The following FER variants were observed in gnomAD, a reference collection of about 807,000 sequenced individuals.
The protein encoded by FER is FER tyrosine kinase.
In FER, 63 loss-of-function variants were observed where a neutral mutation model predicts 111.0. The observed-to-expected ratio is 0.57, with a 90% CI of 0.46 to 0.70. The LOEUF (loss-of-function observed/expected upper bound fraction) is 0.70, where lower values mean the gene tolerates loss of function less well. Among genes scored for constraint, FER ranks in the 30% least tolerant of loss-of-function variants. The pLI is 0.00. For synonymous variants in FER, 327 were observed against 313.9 expected, an observed-to-expected ratio of 1.04 and a Z score of -0.44; for missense variants, 914 against 954.0, an observed-to-expected ratio of 0.96 and a Z score of 0.55.
chr5:108,919,479 T>C (rs1752742150), intron 10 of FER, among the ~76,000 whole-genome samples: 1 of 152,188 alleles, frequency 6.6e-6, no homozygotes, highest in Non-Finnish European at 1.5e-5. Context: ...CTTAATTTGA[T>C]TCATTGACAT....
chr5:108,829,247 T>C (rs1358705214), intron 3 of FER, among the ~76,000 whole-genome samples: 1 of 152,228 alleles, frequency 6.6e-6, no homozygotes, highest in Non-Finnish European at 1.5e-5. Context: ...TTGCATTACA[T>C]GCTGCTCTGC....
At chr5:108,953,246 G>T (rs1473586929) in intron 11 of FER, among the ~76,000 whole-genome samples, 1 of 151,480 alleles carries the variant, frequency 6.6e-6, no homozygotes, top group African/African-American at 2.4e-5. Context: ...CATAGTCGTG[G>T]GTGGGTCTTT....
At chr5:109,062,402 T>A (rs748186511) in intron 16 of FER, among the ~76,000 whole-genome samples, 1 of 152,124 alleles carries the variant, frequency 6.6e-6, no homozygotes, top group Non-Finnish European at 1.5e-5. Flanking sequence ...GGTGTACACC[T>A]GTAATCTCAG....
At chr5:108,850,811 G>C (rs1013939191) in intron 5 of FER, among the ~76,000 whole-genome samples, 3 of 152,104 alleles carry the variant, frequency 2.0e-5, no homozygotes, top group African/African-American at 7.2e-5. Flanking sequence ...ATGTTAGATA[G>C]TTTCTCTGGA....
intron 13 of FER, among the ~76,000 whole-genome samples, chr5:108,986,987 T>G (rs1287885095): frequency 6.6e-6 from 1 of 152,090 alleles, no homozygotes; most frequent in Non-Finnish European, 1.5e-5. Context: ...TCAAGAATGA[T>G]GGTGGTATTT....
chr5:108,960,326 A>G (rs1256696595), intron 13 of FER, among the ~76,000 whole-genome samples: 2 of 152,134 alleles, frequency 1.3e-5, no homozygotes, highest in African/African-American at 2.4e-5. Context: ...CTTCACTGAG[A>G]GGGTGACCTT....
intron 18 of FER, among the ~76,000 whole-genome samples, chr5:109,182,296 A>G (rs1468921027): frequency 6.6e-6 from 1 of 152,194 alleles, no homozygotes; most frequent in African/African-American, 2.4e-5. Flanking sequence ...TGACCCAGCT[A>G]CCACAGATGC....
At chr5:108,950,350 A>G (rs1757554184) in intron 11 of FER, among the ~76,000 whole-genome samples, 1 of 152,206 alleles carries the variant, frequency 6.6e-6, no homozygotes, top group Non-Finnish European at 1.5e-5. Flanking sequence ...CAAATATTGT[A>G]GTACAAAAAA....
chr5:109,015,308 C>T (rs906128017), intron 13 of FER, among the ~76,000 whole-genome samples: 3 of 151,920 alleles, frequency 2.0e-5, no homozygotes, highest in Admixed American at 6.6e-5. Context: ...CTTGAAATAC[C>T]AGTTCTTGGC....
At chr5:109,175,358 G>A (rs1757564120) in intron 17 of FER, among the ~76,000 whole-genome samples, 1 of 152,134 alleles carries the variant, frequency 6.6e-6, no homozygotes, top group South Asian at 2.1e-4. Flanking sequence ...TTTCACAAAT[G>A]AGAAAACTAA....
intron 5 of FER, among the ~76,000 whole-genome samples, chr5:108,838,835 G>A (rs1474506544): frequency 4.6e-5 from 7 of 152,012 alleles, no homozygotes; most frequent in Non-Finnish European, 1.0e-4. Context: ...AACATTAAAT[G>A]TGCATTGCTG....
At chr5:109,162,083 T>G (rs1467224908) in intron 17 of FER, among the ~76,000 whole-genome samples, 1 of 152,192 alleles carries the variant, frequency 6.6e-6, no homozygotes, top group Non-Finnish European at 1.5e-5. Context: ...CTATACCTAC[T>G]TTTTAACAGA....
intron 9 of FER, among the ~76,000 whole-genome samples, chr5:108,893,450 A>G (rs1428156056): frequency 6.6e-6 from 1 of 151,768 alleles, no homozygotes; most frequent in Non-Finnish European, 1.5e-5. Flanking sequence ...TTGAGATTTT[A>G]CATTTAAATC....
rs188631689 is a variant in FER, at chr5:109,100,569, G to A, written c.2048+50G>A. 2.1e-4 allele frequency: 321 copies of A among 1,534,110 alleles called. 4 individuals carry two copies. The East Asian group carries it at 6.8e-3, about 33-fold the overall frequency. On this transcript the variant is annotated intron_variant, in intron 17 of 19. Coordinates refer to ENST00000281092, the MANE Select transcript of FER (RefSeq NM_005246.4). Reference sequence around the variant, plus strand: ...TTTTTGGTTTTATTAATAGAATGCTGGAAAACTGATGTATTTGCTACAATA... The same window carrying A: ...TTTTTGGTTTTATTAATAGAATGCTAGAAAACTGATGTATTTGCTACAATA...
chr5:109,037,040 A>T (rs1009408816), intron 13 of FER, among the ~76,000 whole-genome samples: 1 of 152,088 alleles, frequency 6.6e-6, no homozygotes, highest in Non-Finnish European at 1.5e-5. Context: ...CTAAGATTAA[A>T]TGAGAACTGA....
At chr5:108,805,445 G>A (rs1027204032) in intron 3 of FER, among the ~76,000 whole-genome samples, 2 of 152,198 alleles carry the variant, frequency 1.3e-5, no homozygotes, top group African/African-American at 2.4e-5. Context: ...AAAGCTACCT[G>A]AAAATGTGGT....
intron 17 of FER, among the ~76,000 whole-genome samples, chr5:109,135,430 C>G (rs919232228): frequency 6.6e-6 from 1 of 152,182 alleles, no homozygotes; most frequent in African/African-American, 2.4e-5. Context: ...AGTTTACGCT[C>G]TTAATAGTGT....
chr5:108,902,072 G>T (rs148093244), intron 10 of FER, among the ~76,000 whole-genome samples: 35 of 152,230 alleles, frequency 2.3e-4, no homozygotes, highest in African/African-American at 8.2e-4. Context: ...GTGTTTCTAA[G>T]GCTTAGGATA....
At chr5:108,797,901 C>A (rs1384035312) in intron 2 of FER, among the ~76,000 whole-genome samples, 1 of 152,090 alleles carries the variant, frequency 6.6e-6, no homozygotes, top group East Asian at 1.9e-4. Flanking sequence ...ATCTGAATGC[C>A]CCTTTTATTT....
Sources: allele counts gnomAD v4.1 joint callset (sites outside exome capture counted in the v4.1 genomes callset), GRCh38; gene constraint gnomAD v4.1.1; transcripts MANE v1.5; gene names NCBI Gene and HGNC (gene_info 2026-07-23, HGNC 2026-07-21).